The following PCSK2 variants were observed in gnomAD, a reference collection of about 807,000 sequenced individuals.
The protein encoded by PCSK2 is proprotein convertase subtilisin/kexin type 2, also known as neuroendocrine convertase 2.
A neutral mutation model predicts 69.7 loss-of-function variants in PCSK2; 14 were observed. That is an observed-to-expected ratio of 0.20 (90% confidence interval 0.13 to 0.31). PCSK2 has a LOEUF of 0.31. Among genes scored for constraint, PCSK2 ranks in the 10% least tolerant of loss-of-function variants. The pLI is 1.00. For synonymous variants in PCSK2, 307 were observed against 320.7 expected, an observed-to-expected ratio of 0.96 and a Z score of 0.46; for missense variants, 544 against 842.5, an observed-to-expected ratio of 0.65 and a Z score of 4.39.
At chr20:17,385,740 G>A (rs2031216962) in intron 5 of PCSK2, among the ~76,000 whole-genome samples, 1 of 152,128 alleles carries the variant, frequency 6.6e-6, no homozygotes, top group South Asian at 2.1e-4. Context: ...GGGGAGCAGG[G>A]GAGTGAAAAA....
At chr20:17,456,529 A>C in intron 10 of PCSK2, 81 bp downstream of exon 10, 1 of 775,442 alleles carries the variant, frequency 1.3e-6, no homozygotes, top group Admixed American at 2.1e-5. Flanking sequence ...CCAGGTGTCC[A>C]TGGAGGGAAA....
chr20:17,442,744 A>T (rs771234152), intron 8 of PCSK2, among the ~76,000 whole-genome samples: 3 of 152,204 alleles, frequency 2.0e-5, no homozygotes, highest in Non-Finnish European at 4.4e-5. Flanking sequence ...TTGAAATTCA[A>T]CATGGAAATT....
intron 1 of PCSK2, chr20:17,228,011 A>C (rs1480359076): frequency 6.6e-6 from 1 of 152,332 alleles, no homozygotes; most frequent in Non-Finnish European, 1.5e-5. Flanking sequence ...CTCCGGGAAC[A>C]ACGGCTTCCT....
chr20:17,278,118 C>A (rs924166869), intron 2 of PCSK2, among the ~76,000 whole-genome samples: 19 of 152,264 alleles, frequency 1.2e-4, no homozygotes, highest in African/African-American at 4.6e-4. Context: ...TTACACAGTT[C>A]ATGGGACTGT....
At chr20:17,237,614 G>A (rs1986393006) in intron 1 of PCSK2, among the ~76,000 whole-genome samples, 1 of 152,180 alleles carries the variant, frequency 6.6e-6, no homozygotes, top group Non-Finnish European at 1.5e-5. Context: ...TGTTGAAATA[G>A]GAGGAGTCAC....
chr20:17,312,722 G>A (rs1376292708), intron 2 of PCSK2, among the ~76,000 whole-genome samples: 1 of 152,044 alleles, frequency 6.6e-6, no homozygotes, highest in Non-Finnish European at 1.5e-5. Context: ...GAAGAGAGGT[G>A]CTGTAGTGGT....
At chr20:17,448,941 G>A (rs911905883) in intron 8 of PCSK2, among the ~76,000 whole-genome samples, 3 of 144,722 alleles carry the variant, frequency 2.1e-5, no homozygotes, top group African/African-American at 7.8e-5. Context: ...GTGCAGTGGT[G>A]TGATTATAGC....
intron 11 of PCSK2, among the ~76,000 whole-genome samples, chr20:17,479,792 G>T (rs980924032): frequency 2.9e-5 from 2 of 67,910 alleles, no homozygotes; most frequent in Non-Finnish European, 5.0e-5. Context: ...GCAAGACTCC[G>T]TCTCAAAAAA....
intron 2 of PCSK2, among the ~76,000 whole-genome samples, chr20:17,278,851 T>C (rs940436515): frequency 2.1e-5 from 3 of 140,022 alleles, no homozygotes; most frequent in African/African-American, 8.6e-5. Flanking sequence ...CTCTGTTGCC[T>C]TTTTTTTTTT....
intron 6 of PCSK2, among the ~76,000 whole-genome samples, chr20:17,411,938 C>A (rs1054801167): frequency 2.0e-5 from 3 of 152,168 alleles, no homozygotes; most frequent in Non-Finnish European, 4.4e-5. Flanking sequence ...GCTGAGGGAC[C>A]TGACTGTTAG....
At chr20:17,375,368 T>A (rs566154582) in intron 5 of PCSK2, among the ~76,000 whole-genome samples, 17 of 151,948 alleles carry the variant, frequency 1.1e-4, no homozygotes, top group Non-Finnish European at 2.5e-4. Flanking sequence ...AACATAAATC[T>A]CAAAGGCTTT....
intron 2 of PCSK2, among the ~76,000 whole-genome samples, chr20:17,298,885 C>T (rs184024199): frequency 7.2e-5 from 11 of 152,276 alleles, no homozygotes; most frequent in Admixed American, 6.5e-4. Flanking sequence ...TATATTTGCA[C>T]ATGTTACACT....
chr20:17,438,001 C>CCCCT (rs2032521716), intron 8 of PCSK2, among the ~76,000 whole-genome samples: 1 of 150,964 alleles, frequency 6.6e-6, no homozygotes, highest in Non-Finnish European at 1.5e-5. Flanking sequence ...CCACCCACAC[C>CCCCT]GTGCTCCCAG....
intron 6 of PCSK2, among the ~76,000 whole-genome samples, chr20:17,416,344 A>G (rs1263891591): frequency 6.6e-6 from 1 of 152,166 alleles, no homozygotes; most frequent in Non-Finnish European, 1.5e-5. Context: ...AGACAACCCC[A>G]TCAAAAAGTG....
At chr20:17,403,154 C>T (rs1390116010) in intron 5 of PCSK2, among the ~76,000 whole-genome samples, 1 of 152,160 alleles carries the variant, frequency 6.6e-6, no homozygotes, top group African/African-American at 2.4e-5. Context: ...TGGGAGAACA[C>T]TGTGTCACTA....
At chr20:17,286,570 T>G (rs1450011705) in intron 2 of PCSK2, among the ~76,000 whole-genome samples, 1 of 152,184 alleles carries the variant, frequency 6.6e-6, no homozygotes, top group Non-Finnish European at 1.5e-5. Flanking sequence ...CAAAGTACAA[T>G]CTACTAAGAT....
intron 2 of PCSK2, among the ~76,000 whole-genome samples, chr20:17,336,171 G>T (rs1054231972): frequency 6.6e-6 from 1 of 152,134 alleles, no homozygotes; most frequent in African/African-American, 2.4e-5. Flanking sequence ...TCATTGTAAA[G>T]TATTTTGCAT....
At chr20:17,470,590 C>T (rs1174018248) in intron 11 of PCSK2, among the ~76,000 whole-genome samples, 1 of 152,172 alleles carries the variant, frequency 6.6e-6, no homozygotes, top group East Asian at 1.9e-4. Flanking sequence ...TGGGAGGGTG[C>T]TAGTAAGAAC....
intron 2 of PCSK2, among the ~76,000 whole-genome samples, chr20:17,282,749 TG>T (rs1897965500): frequency 6.7e-6 from 1 of 148,948 alleles, no homozygotes; most frequent in South Asian, 2.1e-4. Flanking sequence ...ACACACGCTG[TG>T]AAAAAAAAAA....
Sources: allele counts gnomAD v4.1 joint callset (sites outside exome capture counted in the v4.1 genomes callset), GRCh38; gene constraint gnomAD v4.1.1; transcripts MANE v1.5; gene names NCBI Gene and HGNC (gene_info 2026-07-23, HGNC 2026-07-21).